Variants in C1orf198 observed in about 807,000 individuals in gnomAD.
C1orf198 encodes the protein chromosome 1 open reading frame 198.
In C1orf198, 17 loss-of-function variants were observed where a neutral mutation model predicts 31.4. The observed-to-expected ratio is 0.54, with a 90% CI of 0.37 to 0.81. The LOEUF is 0.81. Ranked by LOEUF, C1orf198 falls within the 40% of genes least tolerant of loss-of-function variation. The pLI is 0.00. For missense variants in C1orf198, 401 were observed against 450.3 expected (o/e 0.89, Z 0.99); for synonymous variants, 175 against 193.8 (o/e 0.90, Z 0.81).
Position 230,838,300 on chromosome 1 carries a change from A to G in C1orf198, c.*1552T>C, listed in dbSNP as rs1469167196. On this transcript the variant is annotated 3_prime_UTR_variant, in exon 4 of 4. Transcript: ENST00000366663. This position sits in a 1 kb window ranked among gnomAD's most constrained non-coding sequence, Gnocchi z 4.2. Reference sequence around the variant, plus strand: ...TTGAAAAGTTACAGTAAATCACTGAAGCAGAAAGATAAAACTATACCCCAA... The same window carrying G: ...TTGAAAAGTTACAGTAAATCACTGAGGCAGAAAGATAAAACTATACCCCAA... The G allele has an allele frequency of 6.6e-6, 1 of 152,428 alleles. No individual in the cohort carries two copies. The highest frequency in any genetic ancestry group is 2.4e-5 in the African/African-American group (1 of 41,480). The allele number at this position is 152,428 out of a possible 1,614,324, so 9.4% of individuals were successfully genotyped here.
At chr1:230,866,027 T>C (rs1207106840) in intron 1 of C1orf198, among the ~76,000 whole-genome samples, 1 of 152,208 alleles carries the variant, frequency 6.6e-6, no homozygotes, top group Non-Finnish European at 1.5e-5. Context: ...CTATCTAGTT[T>C]ACAGTCCTTT....
chr1:230,860,367 C>A lies in C1orf198; in HGVS notation c.334-4649G>T, dbSNP rs112319067. ...GCAATTTCATTCCTAGGTATACACC[C>A]GAAAGAACTGGAAGCAGGGGCTCAG... On this transcript the variant is annotated intron_variant, in intron 1 of 3. Coordinates refer to ENST00000366663, the MANE Select transcript of C1orf198 (RefSeq NM_032800.3). 2.9e-3 allele frequency among the ~76,000 whole-genome samples: 437 copies of A among 152,128 alleles called. 2 individuals carry two copies. Among genetic ancestry groups the A allele is most frequent in the African/African-American group, 0.01 (420 of 41,500 alleles).
At chr1:230,856,069 C>CTG (rs1669862512) in intron 1 of C1orf198, 1 of 903,442 alleles carries the variant, frequency 1.1e-6, no homozygotes, top group East Asian at 6.8e-5. Context: ...CAATGATTAG[C>CTG]TGTGTGGCCA....
At chr1:230,845,292 A>T (rs1391343270) in intron 2 of C1orf198, among the ~76,000 whole-genome samples, 1 of 149,816 alleles carries the variant, frequency 6.7e-6, no homozygotes, top group African/African-American at 2.5e-5. Flanking sequence ...CTGAGGTGGG[A>T]GGATTGCTTG....
intron 2 of C1orf198, among the ~76,000 whole-genome samples, chr1:230,846,928 C>A (rs1316779822): frequency 6.6e-6 from 1 of 151,996 alleles, no homozygotes; most frequent in Non-Finnish European, 1.5e-5. Context: ...ACGGTGAAAC[C>A]CCGTCTCTAC....
chr1:230,842,196 C>T (rs900829929), intron 3 of C1orf198, among the ~76,000 whole-genome samples: 1 of 152,060 alleles, frequency 6.6e-6, no homozygotes, highest in Non-Finnish European at 1.5e-5. Flanking sequence ...GAAAGGAGTT[C>T]TGGAGATGGA....
At chr1:230,864,678 G>A (rs896824932) in intron 1 of C1orf198, among the ~76,000 whole-genome samples, 1 of 152,142 alleles carries the variant, frequency 6.6e-6, no homozygotes, top group African/African-American at 2.4e-5. Context: ...GAGGCAAGTA[G>A]GTCCACGCGA....
chr1:230,868,478 C>G lies in C1orf198; in HGVS notation c.35G>C (p.Arg12Pro), dbSNP rs374561053. 3.3e-6 allele frequency: 5 copies of G among 1,502,042 alleles called. No homozygotes were observed. The Admixed American group carries it at 6.0e-5, about 18-fold the overall frequency. The allele number at this position is 1,502,042 out of a possible 1,614,324, so 93.0% of individuals were successfully genotyped here. A position where few individuals can be genotyped will look rare whatever the true frequency, so the allele number is the denominator to read the frequency against. Residue 12 changes from arginine (R) to proline (P), a missense_variant, in exon 1 of 4, where the codon CGC becomes CCC. Transcript: ENST00000366663. Reference protein sequence around the residue: ...ASMAAAIAASRSAVMSGNRPL... With the variant: ...ASMAAAIAASPSAVMSGNRPL... ...CCGGTTCCCGCTCATGACCGCCGAG[C>G]GCGAAGCCGCGATCGCCGCCGCCAT...
intron 2 of C1orf198, among the ~76,000 whole-genome samples, chr1:230,845,656 C>A (rs1669568996): frequency 6.6e-6 from 1 of 151,800 alleles, no homozygotes; most frequent in African/African-American, 2.4e-5. Flanking sequence ...GCACTCCAGC[C>A]TGGGCAACAA....
In C1orf198 at chr1:230,868,333, C is replaced by A; in HGVS notation, c.180G>T (p.Arg60=). ...TCTCGTCCTGCTGCGCGGGCGGCAGCCGCGCCCACTCGGGCCCGTACTTCT... is the reference window on the plus strand; with the variant it reads ...TCTCGTCCTGCTGCGCGGGCGGCAGACGCGCCCACTCGGGCCCGTACTTCT... The part of the protein sequence containing the change: ...IREKYGPEWA[R]LPPAQQDEII... The change falls in exon 1 of 4, where the codon CGG becomes CGT. Residue 60 remains arginine, a synonymous_variant. Coordinates refer to ENST00000366663, the MANE Select transcript of C1orf198 (RefSeq NM_032800.3). 1 of 1,595,972 alleles carries A rather than the reference C, an allele frequency of 6.3e-7. No homozygotes were observed. The highest frequency in any genetic ancestry group is 8.5e-7 in the Non-Finnish European group (1 of 1,172,208).
At chr1:230,856,346 AC>A (rs1669872632) in intron 1 of C1orf198, among the ~76,000 whole-genome samples, 1 of 151,718 alleles carries the variant, frequency 6.6e-6, no homozygotes, top group Non-Finnish European at 1.5e-5. Flanking sequence ...CTCTGAAATC[AC>A]TCCCCACCCC....
Position 230,868,207 on chromosome 1 carries a change from GC to G in C1orf198, c.305del (p.Gly102AlafsTer12). Reference protein sequence around the residue: ...TRFPGLRGPTGQKVVRFGDED... With the variant: ...TRFPGLRGPTXQKVVRFGDED... ...CGTCCCCGAAGCGCACCACCTTCTG[GC>G]CCGTGGGCCCGCGCAAGCCGGGGAA... On this transcript the variant is annotated frameshift_variant, in exon 1 of 4. Transcript: ENST00000366663. LOFTEE classifies it high-confidence loss of function. The G allele has an allele frequency of 6.5e-7, 1 of 1,529,018 alleles. No individual in the cohort carries two copies. The highest frequency in any genetic ancestry group is 8.8e-7 in the Non-Finnish European group (1 of 1,140,932). 94.7% of individuals were successfully genotyped at this position (1,529,018 alleles called of 1,614,324 possible). A position where few individuals can be genotyped will look rare whatever the true frequency, so the allele number is the denominator to read the frequency against.
intron 1 of C1orf198, among the ~76,000 whole-genome samples, chr1:230,862,251 T>C (rs1670020754): frequency 3.9e-5 from 6 of 152,214 alleles, no homozygotes; most frequent in Admixed American, 2.6e-4. Context: ...CCTGGACATG[T>C]TGACCAACTG....
chr1:230,846,431 G>A (rs1203080488), intron 2 of C1orf198, among the ~76,000 whole-genome samples: 2 of 152,210 alleles, frequency 1.3e-5, no homozygotes, highest in Non-Finnish European at 2.9e-5. Flanking sequence ...CAGGATTCTC[G>A]CCAATGGGCA....
At chr1:230,866,811 T>C (rs1402936826) in intron 1 of C1orf198, among the ~76,000 whole-genome samples, 1 of 152,220 alleles carries the variant, frequency 6.6e-6, no homozygotes, top group Non-Finnish European at 1.5e-5. Flanking sequence ...ATGTTTCAGC[T>C]CTAGGAATAC....
intron 1 of C1orf198, among the ~76,000 whole-genome samples, chr1:230,865,599 G>T (rs1558143708): frequency 6.6e-6 from 1 of 152,332 alleles, no homozygotes; most frequent in East Asian, 1.9e-4. Context: ...TCCCTGAGGA[G>T]AACCAGGTTA....
chr1:230,851,261 G>C lies in C1orf198; in HGVS notation c.384+4407C>G, dbSNP rs543704323. Among the ~76,000 whole-genome samples, 160 of 152,268 alleles carry C rather than the reference G, an allele frequency of 1.1e-3. 1 individual carries two copies. The highest frequency in any genetic ancestry group is 3.7e-3 in the South Asian group (18 of 4,816). Reference sequence around the variant, plus strand: ...GCAGCTGGACATCAGGTGAAGGAAGGGGGTAGCCAGAAAGGAGAAGCAGCC... The same window carrying C: ...GCAGCTGGACATCAGGTGAAGGAAGCGGGTAGCCAGAAAGGAGAAGCAGCC... On this transcript the variant is annotated intron_variant, in intron 2 of 3. Coordinates refer to ENST00000366663, the MANE Select transcript of C1orf198 (RefSeq NM_032800.3).
At position 230,868,329 on chromosome 1, in the gene C1orf198, G is replaced by A; in HGVS notation, c.184C>T (p.Pro62Ser). 1 of 1,595,506 alleles carries A rather than the reference G, an allele frequency of 6.3e-7. No individual in the cohort carries two copies. Among genetic ancestry groups the A allele is most frequent in the Non-Finnish European group, 8.5e-7 (1 of 1,171,990 alleles). Reference sequence around the variant, plus strand: ...ATGATCTCGTCCTGCTGCGCGGGCGGCAGCCGCGCCCACTCGGGCCCGTAC... The same window carrying A: ...ATGATCTCGTCCTGCTGCGCGGGCGACAGCCGCGCCCACTCGGGCCCGTAC... Reference protein sequence around the residue: ...EKYGPEWARLPPAQQDEIIDR... With the variant: ...EKYGPEWARLSPAQQDEIIDR... The change falls in exon 1 of 4, where the codon CCG becomes TCG. Residue 62 changes from proline (P) to serine (S), a missense_variant. Coordinates refer to ENST00000366663, the MANE Select transcript of C1orf198 (RefSeq NM_032800.3).
upstream of C1orf198, chr1:230,868,633 C>T (rs1670184571): frequency 3.6e-6 from 3 of 829,992 alleles, no homozygotes; most frequent in Non-Finnish European, 4.5e-6. Context: ...CGCCGCGTAC[C>T]CGGGTCTCCA....
Sources: allele counts gnomAD v4.1 joint callset (sites outside exome capture counted in the v4.1 genomes callset), GRCh38; gene constraint gnomAD v4.1.1; non-coding constraint Gnocchi (gnomAD v3.1); transcripts MANE v1.5; gene names NCBI Gene and HGNC (gene_info 2026-07-23, HGNC 2026-07-21).